Variants in INSL6 observed in about 807,000 individuals in gnomAD.
INSL6 encodes insulin like 6.
In INSL6, 16 loss-of-function variants were observed where a neutral mutation model predicts 9.4. The ratio of observed to expected loss-of-function variants is 1.70; its 90% confidence interval spans 1.15 to 2.59. INSL6 has a LOEUF of 2.59. Among genes scored for constraint, INSL6 ranks in the 30% most tolerant of loss-of-function variants. The pLI is 0.00. For synonymous variants in INSL6, 154 were observed against 96.9 expected (o/e 1.59, Z -3.46); for missense variants, 391 against 257.3 (o/e 1.52, Z -3.56).
chr9:5,098,593 A>G, the INSL6 span: 16 of 152,222 alleles, frequency 1.1e-4, no homozygotes, highest in Non-Finnish European at 2.1e-4. Context: ...TATTCTGTAT[A>G]AAACAGATGA....
At chr9:5,065,022 A>G in the INSL6 span, 3 of 1,596,398 alleles carry the variant, frequency 1.9e-6, no homozygotes, top group Non-Finnish European at 1.7e-6. Flanking sequence ...ATACAAAGCA[A>G]CTGTCATGGC....
the INSL6 span, among the ~76,000 whole-genome samples, chr9:5,004,366 G>C: frequency 3.3e-5 from 5 of 152,032 alleles, no homozygotes; most frequent in Non-Finnish European, 4.4e-5. Flanking sequence ...AGATTCTATG[G>C]ATCAGTGAGA....
chr9:4,994,546 T>C, the INSL6 span, among the ~76,000 whole-genome samples: 3 of 152,208 alleles, frequency 2.0e-5, no homozygotes, highest in African/African-American at 4.8e-5. Context: ...CTATTAAGGA[T>C]CATAAATAAA....
At chr9:5,041,187 AC>A in the INSL6 span, 1 of 1,376,688 alleles carries the variant, frequency 7.3e-7, no homozygotes, top group Non-Finnish European at 1.0e-6. Flanking sequence ...AACCTCATTT[AC>A]CAGGACGTGA....
At chr9:5,157,622 G>C (rs921091188) in intron 2 of INSL6, among the ~76,000 whole-genome samples, 16 of 152,122 alleles carry the variant, frequency 1.1e-4, no homozygotes, top group African/African-American at 3.9e-4. Flanking sequence ...AGAACTTCCA[G>C]AAGAAAATGT....
At chr9:5,113,073 C>T in the INSL6 span, among the ~76,000 whole-genome samples, 4 of 152,172 alleles carry the variant, frequency 2.6e-5, no homozygotes, top group African/African-American at 9.6e-5. Context: ...GGGACCCCGG[C>T]TCACCCCTCA....
chr9:5,163,181 G>A (rs1016629718), downstream of INSL6, among the ~76,000 whole-genome samples: 2 of 152,132 alleles, frequency 1.3e-5, no homozygotes, highest in African/African-American at 4.8e-5. Context: ...TAGGTTTGAG[G>A]TGAGACTTTA....
At chr9:5,176,680 C>T (rs1012700517) in intron 1 of INSL6, among the ~76,000 whole-genome samples, 14 of 150,174 alleles carry the variant, frequency 9.3e-5, no homozygotes, top group Admixed American at 4.6e-4. Flanking sequence ...TATTTAAATG[C>T]GTGCCCTTTA....
the INSL6 span, among the ~76,000 whole-genome samples, chr9:5,026,059 C>T: frequency 6.6e-6 from 1 of 152,128 alleles, no homozygotes; most frequent in Non-Finnish European, 1.5e-5. Flanking sequence ...AAAGAATCAT[C>T]TTTTATTTTG....
the INSL6 span, among the ~76,000 whole-genome samples, chr9:5,040,623 T>C: frequency 4.6e-5 from 7 of 152,354 alleles, no homozygotes; most frequent in African/African-American, 1.2e-4. Context: ...AACAAGACAA[T>C]GACAACTTAA....
chr9:5,092,582 T>C, the INSL6 span, among the ~76,000 whole-genome samples: 7 of 152,230 alleles, frequency 4.6e-5, no homozygotes, highest in South Asian at 4.1e-4. Flanking sequence ...CTTGGCACAA[T>C]AGATACAGTA....
At chr9:5,101,032 G>C in the INSL6 span, 2 of 152,292 alleles carry the variant, frequency 1.3e-5, no homozygotes, top group African/African-American at 4.8e-5. Flanking sequence ...GGACTGGTTG[G>C]ACAGGGGGTG....
the INSL6 span, among the ~76,000 whole-genome samples, chr9:5,033,667 A>T: frequency 6.6e-6 from 1 of 152,176 alleles, no homozygotes; most frequent in Non-Finnish European, 1.5e-5. Context: ...GAGAAATAAA[A>T]TCCTTTACAG....
chr9:5,014,928 T>G, the INSL6 span, among the ~76,000 whole-genome samples: 1 of 151,916 alleles, frequency 6.6e-6, no homozygotes, highest in Non-Finnish European at 1.5e-5. Flanking sequence ...TTTTTTATTT[T>G]TTTTTTGCGG....
chr9:5,056,566 A>G, the INSL6 span, among the ~76,000 whole-genome samples: 1 of 152,240 alleles, frequency 6.6e-6, no homozygotes, highest in East Asian at 1.9e-4. Context: ...TAAAAATATG[A>G]TAGTACACCT....
At chr9:5,141,262 G>T (rs1824492081) in intron 2 of INSL6, among the ~76,000 whole-genome samples, 1 of 152,028 alleles carries the variant, frequency 6.6e-6, no homozygotes, top group South Asian at 2.1e-4. Flanking sequence ...CTGCCTCTAG[G>T]TCTTTGAGGA....
At chr9:5,148,430 C>G (rs1253908275) in intron 2 of INSL6, among the ~76,000 whole-genome samples, 4 of 152,124 alleles carry the variant, frequency 2.6e-5, no homozygotes, top group African/African-American at 4.8e-5. Flanking sequence ...CCCCCTCACC[C>G]GGTCGGCTCA....
chr9:5,111,467 C>T, the INSL6 span: 14 of 387,970 alleles, frequency 3.6e-5, 1 homozygote, highest in African/African-American at 2.7e-4. Flanking sequence ...GGCGTACCTG[C>T]CCAGCTCAGG....
the INSL6 span, among the ~76,000 whole-genome samples, chr9:5,090,283 A>T: frequency 6.6e-6 from 1 of 152,226 alleles, no homozygotes; most frequent in African/African-American, 2.4e-5. Flanking sequence ...TTTTTGATTC[A>T]AAAAGACTAT....
Sources: gnomAD v4.1 joint callset for allele counts (sites outside exome capture counted in the v4.1 genomes callset) on GRCh38, gnomAD v4.1.1 for gene constraint, MANE v1.5 for transcripts, NCBI Gene and HGNC (gene_info 2026-07-23, HGNC 2026-07-21) for gene names.